TET3: variants seen among roughly 807,000 people sequenced by gnomAD.
TET3 encodes methylcytosine dioxygenase TET3.
A neutral mutation model predicts 141.4 loss-of-function variants in TET3; 19 were observed. The observed-to-expected ratio is 0.13, with a 90% CI of 0.09 to 0.20. The LOEUF is 0.20. TET3 is among the 10% of genes least tolerant of loss of function. The pLI, the probability that TET3 is intolerant of heterozygous loss-of-function variation, is 1.00. For synonymous variants in TET3, 1,043 were observed against 980.9 expected (o/e 1.06, Z -1.18); for missense variants, 1,874 against 2,356.9 (o/e 0.80, Z 4.24).
In TET3 at chr2:74,102,257, G is replaced by A. The variant is rs1691268679; in HGVS notation, c.*81G>A. On this transcript the variant is annotated 3_prime_UTR_variant, in exon 12 of 12. Transcript: ENST00000409262. ...TGCTTTTGCCCTCATACCTGGGGGC[G>A]GGTTGGGGGTGCAGAAGTCTTTTTA... The A allele has an allele frequency of 3.7e-6, 5 of 1,363,826 alleles. No individual in the cohort carries two copies. The highest frequency in any genetic ancestry group is 4.7e-6 in the Non-Finnish European group (5 of 1,057,856). The allele number at this position is 1,363,826 out of a possible 1,614,324, so 84.5% of individuals were successfully genotyped here.
intron 3 of TET3, among the ~76,000 whole-genome samples, chr2:74,037,303 A>C (rs556566658): frequency 1.3e-3 from 204 of 152,384 alleles, no homozygotes; most frequent in African/African-American, 4.7e-3. Flanking sequence ...GATCAACCCT[A>C]GACAGAACAT....
chr2:74,075,793 T>G lies in TET3; in HGVS notation c.2585+2154T>G, dbSNP rs141858096. ...CTGGGAACATTTATATTCACCAGTC[T>G]GTAAATTCCAGCCTGGTATGAGGGC... On this transcript the variant is annotated intron_variant, in intron 5 of 11. Coordinates refer to ENST00000409262, the MANE Select transcript of TET3 (RefSeq NM_001287491.2). Among the ~76,000 whole-genome samples, 185 of 152,324 alleles carry G rather than the reference T, an allele frequency of 1.2e-3. 1 individual carries two copies. The highest frequency in any genetic ancestry group is 4.1e-3 in the African/African-American group (171 of 41,568).
the TET3 span, among the ~76,000 whole-genome samples, chr2:74,128,231 T>C: frequency 1.3e-5 from 2 of 152,216 alleles, no homozygotes; most frequent in African/African-American, 2.4e-5. Context: ...ATTTAATGTT[T>C]GCCAAGATGT....
chr2:74,062,744 G>A (rs1232064218), intron 4 of TET3, among the ~76,000 whole-genome samples: 2 of 152,126 alleles, frequency 1.3e-5, no homozygotes, highest in Non-Finnish European at 2.9e-5. Context: ...AACAATGAAT[G>A]TAAGTAGGGT....
Position 73,986,424 on chromosome 2 carries a change from C to T in TET3, c.21C>T (p.Pro7=), listed in dbSNP as rs1314134944. Residue 7 remains proline (P), a synonymous_variant, in exon 2 of 12, where the codon CCC becomes CCT. Transcript: ENST00000409262. Reference sequence around the variant, plus strand: ...GCATCATGAGCCAGTTTCAGGTGCCCCTGGCCGTCCAGCCGGACCTGCCAG... The same window carrying T: ...GCATCATGAGCCAGTTTCAGGTGCCTCTGGCCGTCCAGCCGGACCTGCCAG... MSQFQV[P]LAVQPDLPGL... The T allele has an allele frequency of 2.4e-6, 3 of 1,232,088 alleles. No homozygotes were observed. The Admixed American group carries it at 1.3e-4, about 52-fold the overall frequency. 76.3% of individuals were successfully genotyped at this position (1,232,088 alleles called of 1,614,324 possible).
intron 3 of TET3, among the ~76,000 whole-genome samples, chr2:74,037,638 G>A (rs1489902906): frequency 6.6e-6 from 1 of 152,202 alleles, no homozygotes; most frequent in African/African-American, 2.4e-5. Context: ...TTGACTACAG[G>A]CTAGTTCATT....
intron 2 of TET3, among the ~76,000 whole-genome samples, chr2:73,998,183 TC>T (rs1312120598): frequency 6.6e-6 from 1 of 152,130 alleles, no homozygotes; most frequent in African/African-American, 2.4e-5. Flanking sequence ...GCTGGGGCTG[TC>T]CCCGGGTTTC....
rs114141598 is a variant in TET3 at position 73,996,491 on chromosome 2, T to A, written c.304-6619T>A. 4.3e-3 allele frequency among the ~76,000 whole-genome samples: 647 copies of A among 152,170 alleles called. 6 individuals carry two copies. The highest frequency in any genetic ancestry group is 0.015 in the African/African-American group (621 of 41,528). ...TGTCTGCTGTCATTTGCATAGGAAA[T>A]CTGATAACCTAAGATTTTTTTTTAT... is the stretch of plus-strand genomic sequence containing the variant. On this transcript the variant is annotated intron_variant, in intron 2 of 11. Transcript: ENST00000409262.
rs997712594 is a variant in TET3, at chr2:74,098,601, T to C, written c.3268-675T>C. Among the ~76,000 whole-genome samples the C allele has an allele frequency of 8.6e-5, 13 of 151,860 alleles. 1 individual carries two copies. The highest frequency in any genetic ancestry group is 1.9e-4 in the Non-Finnish European group (13 of 67,902). ...TTTATAATAAAAAGGAAACTCTTTT[T>C]TTTTTTTTTTGAGACGGAGTTTCAC... On this transcript the variant is annotated intron_variant, in intron 10 of 11. Coordinates refer to ENST00000409262, the MANE Select transcript of TET3 (RefSeq NM_001287491.2).
At chr2:74,124,252 CGGGA>C in the TET3 span, among the ~76,000 whole-genome samples, 4,912 of 147,640 alleles carry the variant, frequency 0.033, 267 homozygotes, top group African/African-American at 0.11. Flanking sequence ...CCGCCCCGTC[CGGGA>C]GGGAGGTGGG....
At chr2:74,062,018 T>C (rs1400946494) in intron 4 of TET3, among the ~76,000 whole-genome samples, 2 of 149,084 alleles carry the variant, frequency 1.3e-5, no homozygotes, top group African/African-American at 2.5e-5. Context: ...CCAGACGGGG[T>C]GGCGGCCGGG....
In TET3 at chr2:74,106,163, A is replaced by AGTGTT. The variant is rs905642458; in HGVS notation, c.*4000_*4004dup. On this transcript the variant is annotated 3_prime_UTR_variant, in exon 12 of 12. Transcript: ENST00000409262. ...TACCGTGCTATAATCTGCTCTGAGC[A>AGTGTT]GTGTTGTGTTGTGTTGTATTGTTCT... 5 of 150,652 alleles carry AGTGTT rather than the reference A, an allele frequency of 3.3e-5. No homozygotes were observed. Among genetic ancestry groups the AGTGTT allele is most frequent in the African/African-American group, 9.8e-5 (4 of 40,854 alleles). 9.3% of individuals were successfully genotyped at this position (150,652 alleles called of 1,614,324 possible). A position where few individuals can be genotyped will look rare whatever the true frequency, so the allele number is the denominator to read the frequency against.
the TET3 span, chr2:74,134,804 G>A: frequency 7.4e-5 from 34 of 456,452 alleles, no homozygotes; most frequent in East Asian, 2.4e-3. Context: ...TCCAGAGAGA[G>A]CAGCTTATAG....
intron 4 of TET3, among the ~76,000 whole-genome samples, chr2:74,051,467 G>T (rs1687939831): frequency 6.6e-6 from 1 of 152,228 alleles, no homozygotes. Context: ...GAGTATGGAT[G>T]ACCTTTCCCT....
intron 3 of TET3, among the ~76,000 whole-genome samples, chr2:74,035,255 G>A (rs1686984541): frequency 6.7e-6 from 1 of 149,140 alleles, no homozygotes; most frequent in Non-Finnish European, 1.5e-5. Context: ...TTTGAGGTCA[G>A]GAGTTCAAAA....
chr2:74,113,006 CA>C (rs60299737), downstream of TET3, among the ~76,000 whole-genome samples: 293 of 34,308 alleles, frequency 8.5e-3, 3 homozygotes, highest in African/African-American at 0.025. Flanking sequence ...GACTCCGTCT[CA>C]AAAAAAAAAA....
chr2:74,048,452 T>A (rs976181158), intron 4 of TET3, 41 bp downstream of exon 4: 11 of 1,536,834 alleles, frequency 7.2e-6, no homozygotes, highest in Non-Finnish European at 9.6e-6. Flanking sequence ...GAGAAAGGGC[T>A]GTGGCCTGGT....
At chr2:74,056,131 C>T (rs1688202081) in intron 4 of TET3, among the ~76,000 whole-genome samples, 3 of 152,208 alleles carry the variant, frequency 2.0e-5, no homozygotes, top group African/African-American at 2.4e-5. Flanking sequence ...TGTATACTGT[C>T]TCTCTGTACT....
intron 3 of TET3, among the ~76,000 whole-genome samples, chr2:74,038,609 A>G (rs935485589): frequency 3.9e-5 from 6 of 152,158 alleles, no homozygotes; most frequent in Non-Finnish European, 8.8e-5. Flanking sequence ...AATAGCAGAG[A>G]GATCACCAAC....
Sources: gnomAD v4.1 joint callset for allele counts (sites outside exome capture counted in the v4.1 genomes callset) on GRCh38, gnomAD v4.1.1 for gene constraint, MANE v1.5 for transcripts, NCBI Gene and HGNC (gene_info 2026-07-23, HGNC 2026-07-21) for gene names.